The following BANK1 variants were observed in gnomAD, a reference collection of about 807,000 sequenced individuals.
BANK1 encodes B cell scaffold protein with ankyrin repeats 1.
Under a neutral mutation model 94.5 loss-of-function variants are expected in BANK1, and 95 were observed. The observed-to-expected ratio is 1.00, with a 90% CI of 0.85 to 1.19. BANK1 has a LOEUF of 1.19. BANK1 is among the 50% of genes most tolerant of loss of function. The pLI is 0.00. For missense variants in BANK1, 987 were observed against 932.2 expected, an observed-to-expected ratio of 1.06 and a Z score of -0.77; for synonymous variants, 334 against 308.4, an observed-to-expected ratio of 1.08 and a Z score of -0.87.
At chr4:102,010,797 T>C (rs1192705170) in intron 7 of BANK1, among the ~76,000 whole-genome samples, 1 of 152,244 alleles carries the variant, frequency 6.6e-6, no homozygotes, top group Non-Finnish European at 1.5e-5. Context: ...TTAGTTCATG[T>C]TATTCATTCA....
intron 4 of BANK1, among the ~76,000 whole-genome samples, chr4:101,866,542 A>C (rs376439314): frequency 2.0e-5 from 3 of 152,272 alleles, no homozygotes; most frequent in East Asian, 3.9e-4. Flanking sequence ...TTCATATTAC[A>C]TTCGAACTGT....
In BANK1 at chr4:101,870,650, T is replaced by G; in HGVS notation, c.903+6T>G. ...CAGGAGAGAGTTTGTGCCAGGTAAG[T>G]TAATCTTTCCACGAAGTTAATCATA... On this transcript the variant is annotated splice_donor_region_variant and intron_variant, in intron 5 of 16. Coordinates refer to ENST00000322953, the MANE Select transcript of BANK1 (RefSeq NM_017935.5). 1.2e-6 allele frequency: 2 copies of G among 1,607,364 alleles called. No homozygotes were observed. Among genetic ancestry groups the G allele is most frequent in the Middle Eastern group, 1.7e-4 (1 of 6,016 alleles).
At chr4:101,963,283 C>T (rs1477597838) in intron 7 of BANK1, among the ~76,000 whole-genome samples, 1 of 152,074 alleles carries the variant, frequency 6.6e-6, no homozygotes, top group African/African-American at 2.4e-5. Flanking sequence ...ATAAGTTCTC[C>T]TGCACTTACA....
intron 1 of BANK1, among the ~76,000 whole-genome samples, chr4:101,809,020 T>TTTA (rs1461510887): frequency 3.9e-5 from 6 of 152,052 alleles, no homozygotes; most frequent in Non-Finnish European, 7.4e-5. Flanking sequence ...GGAAAAGAAG[T>TTTA]CATTATATGA....
At chr4:101,963,796 T>C (rs1310281098) in intron 7 of BANK1, among the ~76,000 whole-genome samples, 2 of 152,098 alleles carry the variant, frequency 1.3e-5, no homozygotes, top group Non-Finnish European at 2.9e-5. Flanking sequence ...TGGTACTCAA[T>C]TGACCCTCCT....
At chr4:102,041,116 C>T (rs1727689342) in intron 10 of BANK1, among the ~76,000 whole-genome samples, 1 of 152,108 alleles carries the variant, frequency 6.6e-6, no homozygotes, top group African/African-American at 2.4e-5. Flanking sequence ...TATAACCCTA[C>T]ACTCAGTTCT....
chr4:101,849,374 C>A (rs1191665761), intron 2 of BANK1, among the ~76,000 whole-genome samples: 1 of 152,128 alleles, frequency 6.6e-6, no homozygotes, highest in African/African-American at 2.4e-5. Flanking sequence ...TGTTCTCTCT[C>A]TTCTCTTCAC....
chr4:102,051,376 G>C (rs1374908905), intron 11 of BANK1, among the ~76,000 whole-genome samples: 1 of 152,122 alleles, frequency 6.6e-6, no homozygotes, highest in African/African-American at 2.4e-5. Flanking sequence ...GTCATACCTT[G>C]AAAATTTTGT....
chr4:101,986,901 A>G (rs200364843), intron 7 of BANK1, among the ~76,000 whole-genome samples: 1,191 of 76,650 alleles, frequency 0.016, 29 homozygotes, highest in South Asian at 0.027. Flanking sequence ...GTGTGTGTGT[A>G]TATATATATA....
chr4:101,886,834 CTT>C (rs1397059225), intron 5 of BANK1, among the ~76,000 whole-genome samples: 2 of 151,746 alleles, frequency 1.3e-5, no homozygotes, highest in Non-Finnish European at 2.9e-5. Flanking sequence ...ATTAAGAAAA[CTT>C]TTATCAGATT....
At chr4:101,824,723 A>G (rs187111831) in intron 1 of BANK1, among the ~76,000 whole-genome samples, 97 of 150,364 alleles carry the variant, frequency 6.5e-4, no homozygotes, top group African/African-American at 2.3e-3. Flanking sequence ...GTTACCAGTT[A>G]GAAAAATGTA....
intron 11 of BANK1, among the ~76,000 whole-genome samples, chr4:102,053,002 A>C (rs1728102416): frequency 6.6e-6 from 1 of 152,194 alleles, no homozygotes; most frequent in African/African-American, 2.4e-5. Context: ...TAAGAAGCTA[A>C]AGTTTCAACA....
At chr4:101,872,287 A>G (rs887640813) in intron 5 of BANK1, among the ~76,000 whole-genome samples, 2 of 152,144 alleles carry the variant, frequency 1.3e-5, no homozygotes, top group Non-Finnish European at 2.9e-5. Context: ...AATTTAAGGC[A>G]GGTTTAGAGG....
At chr4:101,860,462 G>C (rs570612524) in intron 3 of BANK1, among the ~76,000 whole-genome samples, 1 of 151,730 alleles carries the variant, frequency 6.6e-6, no homozygotes, top group East Asian at 2.0e-4. Context: ...ACAGAGACTT[G>C]CTCTGTCGCC....
intron 7 of BANK1, among the ~76,000 whole-genome samples, chr4:101,936,621 A>G (rs1160479248): frequency 6.6e-6 from 1 of 151,230 alleles, no homozygotes; most frequent in African/African-American, 2.4e-5. Flanking sequence ...AGGAAAAAAA[A>G]TTAATTATCC....
intron 2 of BANK1, among the ~76,000 whole-genome samples, chr4:101,832,212 T>C (rs925517798): frequency 7.9e-5 from 12 of 152,246 alleles, no homozygotes; most frequent in Admixed American, 7.9e-4. Flanking sequence ...CCTAGCTGAC[T>C]AAAGGATTCT....
intron 7 of BANK1, among the ~76,000 whole-genome samples, chr4:102,016,803 A>C (rs146460428): frequency 6.6e-6 from 1 of 152,134 alleles, no homozygotes; most frequent in African/African-American, 2.4e-5. Context: ...GAATCCTAGA[A>C]TCTAGACCTC....
intron 7 of BANK1, among the ~76,000 whole-genome samples, chr4:101,945,312 G>A (rs2148911914): frequency 6.6e-6 from 1 of 151,930 alleles, no homozygotes. Context: ...TCATTGCTCA[G>A]GTTATTACTA....
At position 101,911,633 on chromosome 4, in the gene BANK1, G is replaced by T. The variant is rs186285715; in HGVS notation, c.1010-6360G>T. On this transcript the variant is annotated intron_variant, in intron 6 of 16. Coordinates refer to ENST00000322953, the MANE Select transcript of BANK1 (RefSeq NM_017935.5). ...TAACCATAGACTAAAATAAAACCCT[G>T]GTATCAATAGATACAAATTATTAAT... Among the ~76,000 whole-genome samples the T allele has an allele frequency of 1.5e-4, 23 of 152,072 alleles. No homozygotes were observed. In the East Asian group the frequency reaches 3.9e-3, roughly 26 times the overall value.
Sources: gnomAD v4.1 joint callset for allele counts (sites outside exome capture counted in the v4.1 genomes callset) on GRCh38, gnomAD v4.1.1 for gene constraint, MANE v1.5 for transcripts, NCBI Gene and HGNC (gene_info 2026-07-23, HGNC 2026-07-21) for gene names.